Variants in TRPC7 observed in about 807,000 individuals in gnomAD.
The protein encoded by TRPC7 is transient receptor potential cation channel subfamily C member 7.
Under a neutral mutation model 90.1 loss-of-function variants are expected in TRPC7, and 42 were observed. The observed-to-expected ratio is 0.47, with a 90% confidence interval of 0.36 to 0.60. The LOEUF (loss-of-function observed/expected upper bound fraction) is 0.60. Among genes scored for constraint, TRPC7 ranks in the 20% least tolerant of loss-of-function variants. The pLI, the probability that TRPC7 is intolerant of heterozygous loss-of-function variation, is 0.00. For missense variants in TRPC7, 955 were observed against 1,112.3 expected (o/e 0.86, Z 2.01); for synonymous variants, 451 against 436.3 (o/e 1.03, Z -0.42).
At position 136,226,224 on chromosome 5, in the gene TRPC7, C is replaced by T. The variant is rs1008384190; in HGVS notation, c.2072G>A (p.Arg691Gln). The T allele has an allele frequency of 3.4e-5, 53 of 1,551,668 alleles. No homozygotes were observed. In the East Asian group the frequency reaches 8.8e-4, roughly 26 times the overall value. ...AAAGTAAGACAGCCAGAGTTTTGCTCGGGCGAACTTCCATTCCACATCTGC... is the reference window on the plus strand; with the variant it reads ...AAAGTAAGACAGCCAGAGTTTTGCTTGGGCGAACTTCCATTCCACATCTGC... ...EDADVEWKFARAKLWLSYFDE... is the reference protein window; with the variant it reads ...EDADVEWKFAQAKLWLSYFDE... The change falls in exon 9 of 12, where the codon CGA becomes CAA. Residue 691 changes from arginine (R) to glutamine (Q), a missense_variant. Physicochemically the swap from Arg to Gln is conservative, Grantham distance 43. Transcript: ENST00000513104.
chr5:136,221,010 T>C (rs897903812), intron 10 of TRPC7, among the ~76,000 whole-genome samples: 2 of 152,034 alleles, frequency 1.3e-5, no homozygotes, highest in African/African-American at 4.8e-5. Flanking sequence ...GAAATAGATA[T>C]AGAAAATAGA....
At chr5:136,360,673 C>A (rs1472654635) in intron 1 of TRPC7, among the ~76,000 whole-genome samples, 2 of 152,118 alleles carry the variant, frequency 1.3e-5, no homozygotes, top group Non-Finnish European at 1.5e-5. Flanking sequence ...CCTTTCCTAG[C>A]AGAATTTAGC....
chr5:136,293,069 A>G (rs1320891375), intron 3 of TRPC7, among the ~76,000 whole-genome samples: 1 of 152,236 alleles, frequency 6.6e-6, no homozygotes, highest in Non-Finnish European at 1.5e-5. Flanking sequence ...ATAATGCAGA[A>G]AAGGCCTTTG....
chr5:136,275,610 C>T (rs1757341980), intron 3 of TRPC7, among the ~76,000 whole-genome samples: 1 of 152,156 alleles, frequency 6.6e-6, no homozygotes. Flanking sequence ...ACTTCTCTCT[C>T]TTGGAACTGT....
intron 3 of TRPC7, among the ~76,000 whole-genome samples, chr5:136,300,151 A>G (rs1283348006): frequency 6.6e-6 from 1 of 152,254 alleles, no homozygotes; most frequent in Non-Finnish European, 1.5e-5. Flanking sequence ...CTGTCCTGTC[A>G]TGACAACTCT....
At chr5:136,346,135 T>C (rs35486050) in intron 2 of TRPC7, among the ~76,000 whole-genome samples, 13,197 of 152,162 alleles carry the variant, frequency 0.087, 732 homozygotes, top group Non-Finnish European at 0.13. Context: ...AAGCAAATGA[T>C]GAGTTAATGG....
Position 136,315,758 on chromosome 5 carries a change from T to C in TRPC7, c.802A>G (p.Met268Val). Residue 268 changes from methionine to valine, a missense_variant, in exon 3 of 12, where the codon ATG (methionine) becomes GTG (valine). This residue lies in a region of TRPC7 where 484 missense variants were observed against 509.6 expected (regional missense o/e 0.95). Transcript: ENST00000513104. ...CCCACTACAAAATCCTTGCATTGCA[T>C]AGATAACTTCCTGTAATCGTTCTAA... is the stretch of plus-strand genomic sequence containing the variant. ...EFKNDYRKLS[M>V]QCKDFVVGVL... 2 of 1,613,892 alleles carry C rather than the reference T, an allele frequency of 1.2e-6. No homozygotes were observed. The highest frequency in any genetic ancestry group is 1.7e-6 in the Non-Finnish European group (2 of 1,179,856).
At chr5:136,253,088 T>C (rs1161929485) in intron 5 of TRPC7, among the ~76,000 whole-genome samples, 1 of 152,230 alleles carries the variant, frequency 6.6e-6, no homozygotes, top group African/African-American at 2.4e-5. Flanking sequence ...GAAAAAAGAA[T>C]GTAAAGTATC....
Position 136,301,111 on chromosome 5 carries a change from C to T in TRPC7, c.963+14486G>A, listed in dbSNP as rs182383622. ...GTGGTATGGTCTCAGCTCACTGCAA[C>T]CTCTGCCTCTTGGGTTCAAGCAATT... On this transcript the variant is annotated intron_variant, in intron 3 of 11. Transcript: ENST00000513104. Among the ~76,000 whole-genome samples the T allele has an allele frequency of 2.7e-3, 417 of 152,182 alleles. 3 individuals carry two copies. The highest frequency in any genetic ancestry group is 4.4e-3 in the Non-Finnish European group (297 of 68,018).
intron 6 of TRPC7, among the ~76,000 whole-genome samples, chr5:136,248,279 C>A (rs1756409500): frequency 6.6e-6 from 1 of 152,228 alleles, no homozygotes; most frequent in African/African-American, 2.4e-5. Flanking sequence ...CTCTGAGAGA[C>A]AACTAACTAA....
At chr5:136,278,643 A>G (rs1388028927) in intron 3 of TRPC7, among the ~76,000 whole-genome samples, 1 of 152,144 alleles carries the variant, frequency 6.6e-6, no homozygotes, top group African/African-American at 2.4e-5. Flanking sequence ...AATTCATACC[A>G]TCATCTGGAG....
intron 2 of TRPC7, among the ~76,000 whole-genome samples, chr5:136,334,579 T>C (rs1759594829): frequency 1.3e-5 from 2 of 152,204 alleles, no homozygotes; most frequent in Admixed American, 1.3e-4. Context: ...CAGGATGGCT[T>C]TTCTGTATCC....
chr5:136,252,030 T>C, intron 5 of TRPC7, 148 bp from the exon 6 acceptor site: 1 of 653,436 alleles, frequency 1.5e-6, no homozygotes, highest in Non-Finnish European at 2.6e-6. Context: ...CAGAAACGTG[T>C]TTTCAAAGGC....
chr5:136,301,061 C>T lies in TRPC7; in HGVS notation c.963+14536G>A, dbSNP rs561290750. The stretch of plus-strand genomic sequence containing the variant: ...TTCTTTTTTCTGAGGTGGAGTTTCA[C>T]TCTTGTTGCCCAGGCTGGAGTGCAG... On this transcript the variant is annotated intron_variant, in intron 3 of 11. Coordinates refer to ENST00000513104, the MANE Select transcript of TRPC7 (RefSeq NM_020389.3). Among the ~76,000 whole-genome samples, 3 of 152,218 alleles carry T rather than the reference C, an allele frequency of 2.0e-5. No homozygotes were observed. In the South Asian group the frequency reaches 6.2e-4, roughly 32 times the overall value.
intron 3 of TRPC7, among the ~76,000 whole-genome samples, chr5:136,289,602 G>A (rs552497565): frequency 2.0e-5 from 3 of 152,352 alleles, no homozygotes; most frequent in East Asian, 1.9e-4. Flanking sequence ...GGGGAGGGGC[G>A]CCTGCCATTG....
At position 136,231,467 on chromosome 5, in the gene TRPC7, T is replaced by C. The variant is rs902339943; in HGVS notation, c.1927A>G (p.Lys643Glu). 3.7e-6 allele frequency: 6 copies of C among 1,612,822 alleles called. No individual in the cohort carries two copies. In the African/African-American group the frequency reaches 8.0e-5, roughly 22 times the overall value. Reference protein sequence around the residue: ...VISVVLKYDHKFIENIGYVLY... With the variant: ...VISVVLKYDHEFIENIGYVLY... Reference sequence around the variant, plus strand: ...ACGTAGCCAATGTTCTCGATGAATTTGTGGTCGTATTTCAGCACCACTGAG... The same window carrying C: ...ACGTAGCCAATGTTCTCGATGAATTCGTGGTCGTATTTCAGCACCACTGAG... The change falls in exon 8 of 12, where the codon AAA (lysine) becomes GAA (glutamate). Residue 643 changes from lysine (K) to glutamate (E), a missense_variant. Lys to Glu is a moderately conservative substitution (Grantham distance 56). This residue lies in a region of TRPC7 where 296 missense variants were observed against 422.7 expected (regional missense o/e 0.70). Coordinates refer to ENST00000513104, the MANE Select transcript of TRPC7 (RefSeq NM_020389.3).
chr5:136,227,583 A>G (rs956062443), intron 8 of TRPC7, among the ~76,000 whole-genome samples: 6 of 152,138 alleles, frequency 3.9e-5, no homozygotes, highest in African/African-American at 1.4e-4. Context: ...CTACTTGGGG[A>G]CATCCTATAA....
At chr5:136,271,580 T>A (rs569312667) in intron 4 of TRPC7, among the ~76,000 whole-genome samples, 1 of 152,212 alleles carries the variant, frequency 6.6e-6, no homozygotes, top group African/African-American at 2.4e-5. Context: ...TAAAGAACTC[T>A]TTAGGCAAAC....
chr5:136,356,916 C>CGTCCT lies in TRPC7; in HGVS notation c.467_471dup (p.Gly158ArgfsTer64). 6.2e-7 allele frequency: 1 copy of CGTCCT among 1,613,712 alleles called. No individual in the cohort carries two copies. The highest frequency in any genetic ancestry group is 1.1e-5 in the South Asian group (1 of 91,078). The stretch of plus-strand genomic sequence containing the variant: ...GTGATGTCGTGGGAGAAGCGCGTGC[C>CGTCCT]GTCCTCGTCGTAGGCATAGAAGTCG... On this transcript the variant is annotated frameshift_variant, in exon 2 of 12. Coordinates refer to ENST00000513104, the MANE Select transcript of TRPC7 (RefSeq NM_020389.3). LOFTEE classifies it high-confidence loss of function.
Sources: gnomAD v4.1 joint callset for allele counts (sites outside exome capture counted in the v4.1 genomes callset) on GRCh38, gnomAD v4.1.1 for gene constraint, gnomAD v4.1.1 regional missense constraint, MANE v1.5 for transcripts, NCBI Gene and HGNC (gene_info 2026-07-23, HGNC 2026-07-21) for gene names.